The following CLVS1 variants were observed in gnomAD, a reference collection of about 807,000 sequenced individuals.
CLVS1 encodes the protein clavesin-1.
Under a neutral mutation model 33.1 loss-of-function variants are expected in CLVS1, and 10 were observed. The observed-to-expected ratio is 0.30, with a 90% CI of 0.19 to 0.51. CLVS1 has a LOEUF of 0.51. Among genes scored for constraint, CLVS1 ranks in the 20% least tolerant of loss-of-function variants. The pLI is 0.97. For missense variants in CLVS1, 343 were observed against 433.4 expected (o/e 0.79, Z 1.85); for synonymous variants, 163 against 166.1 (o/e 0.98, Z 0.14).
intron 2 of CLVS1, among the ~76,000 whole-genome samples, chr8:61,158,848 A>T (rs1806697945): frequency 6.6e-6 from 1 of 151,760 alleles, no homozygotes; most frequent in Non-Finnish European, 1.5e-5. Context: ...TAAATTTTTA[A>T]TTTTTTTAAA....
chr8:61,305,936 A>G (rs1163057757), intron 2 of CLVS1, among the ~76,000 whole-genome samples: 10 of 152,166 alleles, frequency 6.6e-5, no homozygotes, highest in Non-Finnish European at 2.9e-5. Context: ...TATCCAGTCT[A>G]TCAGTGATGG....
chr8:61,118,124 T>C (rs963695482), intron 1 of CLVS1, among the ~76,000 whole-genome samples: 1 of 151,906 alleles, frequency 6.6e-6, no homozygotes. Flanking sequence ...TCGAGGAATT[T>C]ATCCATTTCT....
At chr8:61,364,357 A>G (rs1813104918) in intron 2 of CLVS1, among the ~76,000 whole-genome samples, 1 of 152,200 alleles carries the variant, frequency 6.6e-6, no homozygotes, top group Non-Finnish European at 1.5e-5. Context: ...TCTCATAACA[A>G]TGATGTGTCT....
intron 2 of CLVS1, among the ~76,000 whole-genome samples, chr8:61,354,037 A>G (rs796163327): frequency 1.8e-4 from 28 of 152,082 alleles, no homozygotes; most frequent in African/African-American, 6.8e-4. Flanking sequence ...AACTCAATCA[A>G]GGTGAAATAG....
the CLVS1 span, among the ~76,000 whole-genome samples, chr8:61,026,224 G>A: frequency 6.6e-6 from 1 of 152,184 alleles, no homozygotes; most frequent in Non-Finnish European, 1.5e-5. Flanking sequence ...GCAGAGGGAA[G>A]ACCCTCTTCA....
Position 61,382,369 on chromosome 8 carries a change from G to A in CLVS1, c.630+5590G>A, listed in dbSNP as rs534227652. 1.7e-3 allele frequency among the ~76,000 whole-genome samples: 260 copies of A among 152,216 alleles called. 2 individuals carry two copies. Among genetic ancestry groups the A allele is most frequent in the African/African-American group, 6.0e-3 (250 of 41,538 alleles). ...ATGGGTCAGCTAGTCTTCTAAACAG[G>A]AGTACAGCAGGGAAAAAAGCCAACC... On this transcript the variant is annotated intron_variant, in intron 3 of 5. Transcript: ENST00000325897.
intron 3 of CLVS1, among the ~76,000 whole-genome samples, chr8:61,382,154 C>G (rs183994594): frequency 1.1e-4 from 16 of 152,290 alleles, no homozygotes; most frequent in Admixed American, 5.9e-4. Context: ...GATGAAAAGT[C>G]TGTCACATCA....
rs183912790 is a variant in CLVS1 at position 61,350,073 on chromosome 8, T to C, written c.456-26532T>C. Among the ~76,000 whole-genome samples the C allele has an allele frequency of 2.2e-3, 336 of 152,244 alleles. 1 individual carries two copies. Among genetic ancestry groups the C allele is most frequent in the African/African-American group, 7.7e-3 (318 of 41,560 alleles). ...ATTAATATATGTTGGTCAAAGGATA[T>C]AGAATTTCAGTTAGATAAAAGGGAT... On this transcript the variant is annotated intron_variant, in intron 2 of 5. Coordinates refer to ENST00000325897, the MANE Select transcript of CLVS1 (RefSeq NM_173519.3).
At chr8:61,289,312 C>T (rs1459294930) in intron 1 of CLVS1, among the ~76,000 whole-genome samples, 1 of 152,188 alleles carries the variant, frequency 6.6e-6, no homozygotes, top group East Asian at 1.9e-4. Flanking sequence ...TTTTCTATCT[C>T]AGCTGAAGGG....
the CLVS1 span, among the ~76,000 whole-genome samples, chr8:61,017,514 G>T: frequency 6.6e-6 from 1 of 152,206 alleles, no homozygotes; most frequent in African/African-American, 2.4e-5. Context: ...ATGTTTTCTC[G>T]TGCCTGTTAA....
At chr8:61,238,327 C>G (rs1473990141) in intron 2 of CLVS1, among the ~76,000 whole-genome samples, 2 of 151,890 alleles carry the variant, frequency 1.3e-5, no homozygotes, top group African/African-American at 4.8e-5. Context: ...CCTTCCCTCT[C>G]TTTCCCTCCC....
At chr8:61,068,688 C>G (rs1209517963) in intron 1 of CLVS1, among the ~76,000 whole-genome samples, 2 of 152,170 alleles carry the variant, frequency 1.3e-5, no homozygotes, top group African/African-American at 4.8e-5. Context: ...ACACCCATGT[C>G]CCTGCTGCAA....
At chr8:61,148,591 G>T (rs1437060344) in intron 2 of CLVS1, among the ~76,000 whole-genome samples, 1 of 152,192 alleles carries the variant, frequency 6.6e-6, no homozygotes, top group African/African-American at 2.4e-5. Context: ...CAAGATACAG[G>T]TTCCTCCAGG....
At chr8:61,166,830 A>G (rs893481043) in intron 2 of CLVS1, among the ~76,000 whole-genome samples, 3 of 151,392 alleles carry the variant, frequency 2.0e-5, no homozygotes, top group Non-Finnish European at 4.4e-5. Context: ...AAAAAGTTCT[A>G]TGGTCAAAAG....
At chr8:61,285,696 G>GT (rs1332138826), upstream of CLVS1, among the ~76,000 whole-genome samples, 4 of 152,176 alleles carry the variant, frequency 2.6e-5, no homozygotes, top group Non-Finnish European at 4.4e-5. Context: ...TGCCTTGTGT[G>GT]TGTTGACCAG....
rs73256100 is a variant in CLVS1 at position 61,111,703 on chromosome 8, A to G, written c.-242-20067A>G. Among the ~76,000 whole-genome samples, 330 of 152,158 alleles carry G rather than the reference A, an allele frequency of 2.2e-3. 3 individuals carry two copies. The highest frequency in any genetic ancestry group is 7.8e-3 in the African/African-American group (323 of 41,526). On this transcript the variant is annotated intron_variant, in intron 1 of 2. Transcript: ENST00000522621. ...TCTCTGCTATTAGTATACTGTTTAA[A>G]TTTCTGTGGCTTTAAAACATATTTT...
At chr8:61,235,284 C>T (rs1424713724) in intron 2 of CLVS1, among the ~76,000 whole-genome samples, 3 of 152,156 alleles carry the variant, frequency 2.0e-5, no homozygotes, top group Non-Finnish European at 4.4e-5. Context: ...GTACCCATGC[C>T]TGAGGGTGAT....
intron 2 of CLVS1, among the ~76,000 whole-genome samples, chr8:61,262,659 C>G (rs1033418510): frequency 2.6e-5 from 4 of 152,190 alleles, no homozygotes; most frequent in Non-Finnish European, 5.9e-5. Flanking sequence ...TAGGCATCCT[C>G]CCTCTGCTGA....
chr8:61,496,213 T>C (rs560838222), intron 5 of CLVS1, among the ~76,000 whole-genome samples: 11 of 152,036 alleles, frequency 7.2e-5, no homozygotes, highest in Non-Finnish European at 1.5e-4. Flanking sequence ...TCTCATGCCA[T>C]GTTGTGAAAT....
Sources: gnomAD v4.1 joint callset for allele counts (sites outside exome capture counted in the v4.1 genomes callset) on GRCh38, gnomAD v4.1.1 for gene constraint, MANE v1.5 for transcripts, NCBI Gene and HGNC (gene_info 2026-07-23, HGNC 2026-07-21) for gene names.